ADAMTS17: variants seen among roughly 807,000 people sequenced by gnomAD.
The protein encoded by ADAMTS17 is ADAM metallopeptidase with thrombospondin type 1 motif 17.
A neutral mutation model predicts 141.5 loss-of-function variants in ADAMTS17; 113 were observed. The observed-to-expected ratio is 0.80, with a 90% CI of 0.69 to 0.93. The LOEUF is 0.93. Ranked by LOEUF, ADAMTS17 falls within the 40% of genes least tolerant of loss-of-function variation. The probability of loss-of-function intolerance (pLI) is 0.00; values close to 1 mark genes in which losing one functional copy is unlikely to be tolerated. For missense variants in ADAMTS17, 1,659 were observed against 1,517.9 expected, an observed-to-expected ratio of 1.09 and a Z score of -1.54; for synonymous variants, 768 against 630.6, an observed-to-expected ratio of 1.22 and a Z score of -3.27.
chr15:100,055,680 G>C (rs1452004923), intron 15 of ADAMTS17, among the ~76,000 whole-genome samples: 2 of 152,174 alleles, frequency 1.3e-5, no homozygotes, highest in Non-Finnish European at 1.5e-5. Flanking sequence ...ACCCACAACT[G>C]AACTGTCCTG....
intron 7 of ADAMTS17, among the ~76,000 whole-genome samples, chr15:100,216,873 C>T (rs28472965): frequency 0.15 from 22,644 of 152,198 alleles, 2,034 homozygotes; most frequent in East Asian, 0.28. Flanking sequence ...AGATTAGATT[C>T]GAAACACACA....
At chr15:100,246,505 G>C (rs758312153) in intron 7 of ADAMTS17, among the ~76,000 whole-genome samples, 15 of 152,286 alleles carry the variant, frequency 9.8e-5, no homozygotes, top group Admixed American at 6.5e-5. Flanking sequence ...ATTTGCTAAA[G>C]ACTGCAAGTT....
At chr15:100,079,456 T>C (rs2141802756) in intron 15 of ADAMTS17, among the ~76,000 whole-genome samples, 1 of 152,346 alleles carries the variant, frequency 6.6e-6, no homozygotes, top group South Asian at 2.1e-4. Context: ...GGACCACGTA[T>C]TATACTACTC....
chr15:100,247,314 G>A (rs1183312523), intron 7 of ADAMTS17, among the ~76,000 whole-genome samples: 2 of 152,206 alleles, frequency 1.3e-5, no homozygotes, highest in African/African-American at 4.8e-5. Context: ...AAACCCAAGA[G>A]CTGGTCTAGC....
intron 18 of ADAMTS17, among the ~76,000 whole-genome samples, chr15:100,021,726 A>G (rs1303001888): frequency 2.6e-5 from 4 of 152,222 alleles, no homozygotes; most frequent in Admixed American, 2.6e-4. Context: ...CTGGACTAAG[A>G]AAAAGAAGTA....
At chr15:100,162,181 C>G (rs141079470) in intron 8 of ADAMTS17, among the ~76,000 whole-genome samples, 462 of 152,114 alleles carry the variant, frequency 3.0e-3, no homozygotes, top group African/African-American at 0.01. Flanking sequence ...CTAAGCTAAC[C>G]AGAGGACTGA....
chr15:100,015,529 C>T (rs115374768), intron 18 of ADAMTS17, among the ~76,000 whole-genome samples: 2,343 of 152,244 alleles, frequency 0.015, 57 homozygotes, highest in African/African-American at 0.052. Flanking sequence ...AGATTTAGAG[C>T]TCCTTTGAGC....
chr15:100,322,523 A>G (rs1290959087), intron 3 of ADAMTS17, among the ~76,000 whole-genome samples: 2 of 152,218 alleles, frequency 1.3e-5, no homozygotes, highest in Non-Finnish European at 2.9e-5. Context: ...CAATATCCAG[A>G]ACACAATCCA....
At chr15:100,151,317 T>G (rs1023975932) in intron 10 of ADAMTS17, among the ~76,000 whole-genome samples, 2 of 152,164 alleles carry the variant, frequency 1.3e-5, no homozygotes, top group Non-Finnish European at 2.9e-5. Context: ...GGAGCTGCCC[T>G]TTTTAGCAAC....
rs149503521 is a variant in ADAMTS17 at position 99,985,738 on chromosome 15, C to G, written c.2949+7310G>C. On this transcript the variant is annotated intron_variant, in intron 20 of 21. Transcript: ENST00000268070. ...AGAAAGCCATATCACCACTCTGAAC[C>G]TCAGCTTGCTCATCTGTAAAATGGG... 5.0e-3 allele frequency among the ~76,000 whole-genome samples: 768 copies of G among 152,306 alleles called. 5 individuals carry two copies. The highest frequency in any genetic ancestry group is 0.017 in the African/African-American group (700 of 41,550).
chr15:100,076,624 C>A (rs951208173), intron 15 of ADAMTS17, among the ~76,000 whole-genome samples: 3 of 152,152 alleles, frequency 2.0e-5, no homozygotes, highest in African/African-American at 7.2e-5. Flanking sequence ...TGTAGGCTAA[C>A]AGGACTTTCC....
chr15:100,152,109 A>G (rs1316543350), intron 10 of ADAMTS17, among the ~76,000 whole-genome samples: 1 of 152,216 alleles, frequency 6.6e-6, no homozygotes, highest in East Asian at 1.9e-4. Flanking sequence ...ACAAGCGGTA[A>G]CTGTTTAATG....
rs117237343 is a variant in ADAMTS17, at chr15:100,169,606, G to A, written c.1182-14286C>T. Among the ~76,000 whole-genome samples the A allele has an allele frequency of 8.3e-3, 1,263 of 152,288 alleles. 29 individuals are homozygous for A. Among genetic ancestry groups the A allele is most frequent in the Admixed American group, 0.057 (875 of 15,304 alleles). On this transcript the variant is annotated intron_variant, in intron 8 of 21. Coordinates refer to ENST00000268070, the MANE Select transcript of ADAMTS17 (RefSeq NM_139057.4). ...GCCCATGCATTGAACCTCCATACACGGTGCAGTCACTGAGGATGCAATTGC... is the reference window on the plus strand; with the variant it reads ...GCCCATGCATTGAACCTCCATACACAGTGCAGTCACTGAGGATGCAATTGC...
chr15:100,146,905 G>T (rs1463139530), intron 10 of ADAMTS17, among the ~76,000 whole-genome samples: 3 of 152,090 alleles, frequency 2.0e-5, no homozygotes, highest in Non-Finnish European at 2.9e-5. Context: ...AATAAATTTT[G>T]GTCAGACTGG....
At chr15:100,049,158 T>C (rs1005540666) in intron 17 of ADAMTS17, among the ~76,000 whole-genome samples, 166 bp from the exon 18 acceptor site, 1 of 152,124 alleles carries the variant, frequency 6.6e-6, no homozygotes, top group Non-Finnish European at 1.5e-5. Context: ...AGAACTATAA[T>C]CGTAGGGAGG....
intron 20 of ADAMTS17, among the ~76,000 whole-genome samples, chr15:99,977,384 AT>A (rs2060376616): frequency 2.0e-4 from 3 of 14,784 alleles, no homozygotes; most frequent in African/African-American, 2.7e-4. Context: ...ATATATATAT[AT>A]ATATATATAT....
chr15:100,065,691 C>A (rs543828851), intron 15 of ADAMTS17, among the ~76,000 whole-genome samples: 5 of 152,246 alleles, frequency 3.3e-5, no homozygotes, highest in African/African-American at 7.2e-5. Flanking sequence ...ATTAATCTAT[C>A]AGGTTAGGGA....
chr15:100,149,588 TCAC>T (rs2039069564), intron 10 of ADAMTS17, among the ~76,000 whole-genome samples: 1 of 152,162 alleles, frequency 6.6e-6, no homozygotes, highest in African/African-American at 2.4e-5. Context: ...GCCAAACTGC[TCAC>T]CACACCACTC....
chr15:100,202,367 G>A (rs1365281759), intron 7 of ADAMTS17, among the ~76,000 whole-genome samples: 1 of 152,170 alleles, frequency 6.6e-6, no homozygotes, highest in Non-Finnish European at 1.5e-5. Flanking sequence ...CTTGCACAAA[G>A]GTGGATCAAG....
Sources: allele counts gnomAD v4.1 joint callset (sites outside exome capture counted in the v4.1 genomes callset), GRCh38; gene constraint gnomAD v4.1.1; transcripts MANE v1.5; gene names NCBI Gene and HGNC (gene_info 2026-07-23, HGNC 2026-07-21).